SAMD4A: variants seen among roughly 807,000 people sequenced by gnomAD.
The protein encoded by SAMD4A is sterile alpha motif domain containing 4A.
A neutral mutation model predicts 81.3 loss-of-function variants in SAMD4A; 33 were observed. That is an observed-to-expected ratio of 0.41 (90% confidence interval 0.31 to 0.54). The LOEUF is 0.54. SAMD4A is among the 20% of genes least tolerant of loss of function. SAMD4A has a pLI of 0.37. For missense variants in SAMD4A, 854 were observed against 951.1 expected, an observed-to-expected ratio of 0.90 and a Z score of 1.34; for synonymous variants, 389 against 382.1, an observed-to-expected ratio of 1.02 and a Z score of -0.21.
At chr14:54,589,236 A>G (rs1209601659) in intron 2 of SAMD4A, among the ~76,000 whole-genome samples, 1 of 152,204 alleles carries the variant, frequency 6.6e-6, no homozygotes, top group Non-Finnish European at 1.5e-5. Context: ...AGTAATTTAC[A>G]CGCTCATCTA....
At chr14:54,771,658 G>A (rs1342396301) in intron 9 of SAMD4A, among the ~76,000 whole-genome samples, 1 of 152,226 alleles carries the variant, frequency 6.6e-6, no homozygotes, top group Non-Finnish European at 1.5e-5. Flanking sequence ...CCCATCCCAA[G>A]TGGCTTTTCT....
chr14:54,637,378 AAAAAAAAAAG>A (rs1401280700), intron 2 of SAMD4A, among the ~76,000 whole-genome samples: 5 of 150,680 alleles, frequency 3.3e-5, no homozygotes, highest in East Asian at 1.9e-4. Context: ...AAAAAAAAAA[AAAAAAAAAAG>A]AGGCAAGAAG....
At chr14:54,572,203 T>C (rs762762881) in intron 2 of SAMD4A, among the ~76,000 whole-genome samples, 2 of 152,130 alleles carry the variant, frequency 1.3e-5, no homozygotes, top group Non-Finnish European at 2.9e-5. Context: ...TCATAGGTGT[T>C]GAAGCATAGA....
intron 3 of SAMD4A, among the ~76,000 whole-genome samples, chr14:54,715,725 C>A: frequency 6.6e-6 from 1 of 151,804 alleles, no homozygotes; most frequent in Non-Finnish European, 1.5e-5. Flanking sequence ...AAGAAGATAG[C>A]CTAAAATAAA....
At chr14:54,699,023 G>T (rs907388974) in intron 2 of SAMD4A, among the ~76,000 whole-genome samples, 1 of 151,876 alleles carries the variant, frequency 6.6e-6, no homozygotes, top group Non-Finnish European at 1.5e-5. Context: ...TCAGCCTCAT[G>T]AATTTTTTAT....
At chr14:54,673,849 G>A (rs570737883) in intron 2 of SAMD4A, among the ~76,000 whole-genome samples, 2 of 152,298 alleles carry the variant, frequency 1.3e-5, no homozygotes, top group Admixed American at 6.5e-5. Context: ...AATGGCTATC[G>A]CTCTTAAACT....
intron 8 of SAMD4A, among the ~76,000 whole-genome samples, chr14:54,769,694 A>G (rs1187964115): frequency 2.0e-5 from 3 of 152,130 alleles, no homozygotes. Flanking sequence ...AAGCAGATTG[A>G]TTTTTGGAGT....
chr14:54,749,858 G>A (rs76711524), intron 5 of SAMD4A, among the ~76,000 whole-genome samples: 4 of 152,300 alleles, frequency 2.6e-5, no homozygotes, highest in Non-Finnish European at 4.4e-5. Flanking sequence ...TACCATTTGG[G>A]CATGGCTGGT....
chr14:54,636,954 T>A (rs960839159), intron 2 of SAMD4A, among the ~76,000 whole-genome samples: 4 of 152,144 alleles, frequency 2.6e-5, no homozygotes, highest in Non-Finnish European at 5.9e-5. Context: ...GAGATATACA[T>A]TTGGGAGTTT....
At chr14:54,639,276 G>A (rs1566561305) in intron 2 of SAMD4A, among the ~76,000 whole-genome samples, 3 of 152,228 alleles carry the variant, frequency 2.0e-5, no homozygotes, top group South Asian at 2.1e-4. Context: ...TGTTATTGTT[G>A]CTGCTGCTGC....
intron 6 of SAMD4A, among the ~76,000 whole-genome samples, chr14:54,756,140 T>G (rs1408037846): frequency 6.6e-6 from 1 of 152,214 alleles, no homozygotes; most frequent in Non-Finnish European, 1.5e-5. Context: ...TAATAATGCC[T>G]TATACCAGTA....
rs1205609280 is a variant in SAMD4A at position 54,755,672 on chromosome 14, A to G, written c.1176+4135A>G. On this transcript the variant is annotated intron_variant, in intron 6 of 12. Transcript: ENST00000554335. Reference sequence around the variant, plus strand: ...AGGAGTTTTAGGGGAATGGGAGGAAACAGAAGCAGAAGCCTGTAAACCAGT... The same window carrying G: ...AGGAGTTTTAGGGGAATGGGAGGAAGCAGAAGCAGAAGCCTGTAAACCAGT... Among the ~76,000 whole-genome samples, 4 of 152,308 alleles carry G rather than the reference A, an allele frequency of 2.6e-5. No individual in the cohort carries two copies. The East Asian group carries it at 7.7e-4, about 29-fold the overall frequency.
intron 9 of SAMD4A, among the ~76,000 whole-genome samples, chr14:54,772,310 T>C (rs896383734): frequency 7.9e-5 from 12 of 152,344 alleles, no homozygotes; most frequent in African/African-American, 1.7e-4. Context: ...GTCACTTTGT[T>C]CTCTCCCCAG....
chr14:54,683,712 C>T (rs558953269), intron 2 of SAMD4A, among the ~76,000 whole-genome samples: 1 of 152,064 alleles, frequency 6.6e-6, no homozygotes, highest in South Asian at 2.1e-4. Context: ...ATAAAGAAAC[C>T]AAGTTTTTAT....
intron 2 of SAMD4A, among the ~76,000 whole-genome samples, chr14:54,639,640 C>A (rs1485567151): frequency 1.3e-5 from 2 of 152,198 alleles, no homozygotes; most frequent in African/African-American, 4.8e-5. Flanking sequence ...GAGTCTTCAT[C>A]CCATGTTCAG....
intron 2 of SAMD4A, among the ~76,000 whole-genome samples, chr14:54,571,777 A>T (rs535940858): frequency 3.5e-4 from 53 of 152,236 alleles, no homozygotes; most frequent in South Asian, 1.7e-3. Flanking sequence ...TAACTTTTTT[A>T]AAAAAATTGA....
chr14:54,710,092 G>T (rs1158095537), intron 3 of SAMD4A, among the ~76,000 whole-genome samples: 1 of 152,180 alleles, frequency 6.6e-6, no homozygotes, highest in Admixed American at 6.5e-5. Flanking sequence ...TTGAAAGCAT[G>T]CTGGCCTTTG....
intron 2 of SAMD4A, chr14:54,696,790 A>T (rs1042085772): frequency 3.9e-5 from 6 of 152,222 alleles, no homozygotes; most frequent in African/African-American, 7.2e-5. Context: ...ATTAACTTTT[A>T]TCCACATTAA....
At chr14:54,576,021 T>C (rs1339671560) in intron 2 of SAMD4A, among the ~76,000 whole-genome samples, 26 of 133,916 alleles carry the variant, frequency 1.9e-4, no homozygotes, top group East Asian at 4.3e-4. Flanking sequence ...TTTTTTTTTT[T>C]TTTTTTTTTT....
Sources: allele counts gnomAD v4.1 joint callset (sites outside exome capture counted in the v4.1 genomes callset), GRCh38; gene constraint gnomAD v4.1.1; transcripts MANE v1.5; gene names NCBI Gene and HGNC (gene_info 2026-07-23, HGNC 2026-07-21).